The following CNTN5 variants were observed in gnomAD, a reference collection of about 807,000 sequenced individuals.
CNTN5 encodes the protein contactin-5.
CNTN5 carries 77 observed loss-of-function variants against 129.1 expected under a neutral mutation model. The ratio of observed to expected loss-of-function variants is 0.60; its 90% CI spans 0.50 to 0.72. CNTN5 has a LOEUF of 0.72. Among genes scored for constraint, CNTN5 ranks in the 30% least tolerant of loss-of-function variants. The pLI is 0.00. For missense variants in CNTN5, 1,478 were observed against 1,328.8 expected, an observed-to-expected ratio of 1.11 and a Z score of -1.75; for synonymous variants, 509 against 465.6, an observed-to-expected ratio of 1.09 and a Z score of -1.20.
intron 3 of CNTN5, among the ~76,000 whole-genome samples, chr11:99,705,156 A>G (rs1954700829): frequency 6.6e-6 from 1 of 151,308 alleles, no homozygotes; most frequent in Non-Finnish European, 1.5e-5. Flanking sequence ...GAACACATAC[A>G]TATTCTTATT....
chr11:99,246,800 C>T (rs1029299260), intron 1 of CNTN5, among the ~76,000 whole-genome samples: 2 of 152,044 alleles, frequency 1.3e-5, no homozygotes, highest in African/African-American at 2.4e-5. Flanking sequence ...GGAACAAAAA[C>T]AATATTGACA....
intron 13 of CNTN5, among the ~76,000 whole-genome samples, chr11:100,092,444 C>T (rs1362478199): frequency 6.6e-6 from 1 of 152,088 alleles, no homozygotes; most frequent in African/African-American, 2.4e-5. Context: ...GAATGTGTCT[C>T]CAGGGCTGTA....
intron 13 of CNTN5, among the ~76,000 whole-genome samples, chr11:100,092,517 C>A (rs577524179): frequency 2.9e-4 from 44 of 152,268 alleles, no homozygotes; most frequent in African/African-American, 1.0e-3. Flanking sequence ...ACGCTTTTCA[C>A]AAACCACTTA....
intron 2 of CNTN5, among the ~76,000 whole-genome samples, chr11:99,460,629 G>T (rs1384383134): frequency 6.6e-6 from 1 of 151,930 alleles, no homozygotes; most frequent in Non-Finnish European, 1.5e-5. Context: ...TGGCCAACAC[G>T]TATTAACTGA....
At chr11:99,899,408 AGTTT>A (rs1247191807) in intron 6 of CNTN5, among the ~76,000 whole-genome samples, 7 of 152,004 alleles carry the variant, frequency 4.6e-5, no homozygotes, top group African/African-American at 1.4e-4. Context: ...CATCTATGCT[AGTTT>A]GTTGAGGGTA....
At chr11:99,744,928 G>T (rs1249300503) in intron 3 of CNTN5, among the ~76,000 whole-genome samples, 2 of 152,066 alleles carry the variant, frequency 1.3e-5, no homozygotes, top group Admixed American at 6.6e-5. Flanking sequence ...TAAGGCAGGC[G>T]TTATTTTTAG....
intron 1 of CNTN5, among the ~76,000 whole-genome samples, chr11:99,271,274 C>A (rs927940111): frequency 1.6e-4 from 25 of 151,878 alleles, no homozygotes; most frequent in African/African-American, 5.8e-4. Flanking sequence ...TTAACTACTT[C>A]TTTTGATGAA....
intron 3 of CNTN5, among the ~76,000 whole-genome samples, chr11:99,656,768 C>A (rs1409827170): frequency 1.3e-5 from 2 of 152,078 alleles, no homozygotes; most frequent in Non-Finnish European, 2.9e-5. Context: ...CAGCAAATGA[C>A]CACAGTGGAC....
intron 21 of CNTN5, among the ~76,000 whole-genome samples, chr11:100,315,840 A>G (rs971373605): frequency 1.3e-5 from 2 of 152,198 alleles, no homozygotes; most frequent in Non-Finnish European, 2.9e-5. Context: ...TTATGGTAGC[A>G]GGGACTAAAT....
intron 1 of CNTN5, among the ~76,000 whole-genome samples, chr11:99,275,039 T>C (rs151303298): frequency 1.1e-4 from 16 of 151,580 alleles, no homozygotes; most frequent in African/African-American, 3.6e-4. Context: ...AAGACATAAC[T>C]TGGACATGAA....
At chr11:99,781,724 G>A (rs1389882830) in intron 3 of CNTN5, among the ~76,000 whole-genome samples, 4 of 152,080 alleles carry the variant, frequency 2.6e-5, no homozygotes, top group African/African-American at 7.2e-5. Flanking sequence ...CTGTAAGCAA[G>A]TGTTTGAAAA....
At chr11:99,815,846 C>T (rs1185861190) in intron 3 of CNTN5, among the ~76,000 whole-genome samples, 2 of 152,040 alleles carry the variant, frequency 1.3e-5, no homozygotes, top group South Asian at 2.1e-4. Context: ...CTTATTATTC[C>T]ATCTCTTTTT....
chr11:100,266,007 C>A (rs1950295506), intron 17 of CNTN5, among the ~76,000 whole-genome samples: 1 of 152,092 alleles, frequency 6.6e-6, no homozygotes, highest in Admixed American at 6.6e-5. Context: ...CTTAAATATT[C>A]TATCAGTGGA....
In CNTN5 at chr11:100,193,521, C is replaced by G. The variant is rs770165680; in HGVS notation, c.1742C>G (p.Thr581Arg). The G allele has an allele frequency of 6.2e-7, 1 of 1,605,582 alleles. No individual in the cohort carries two copies. The highest frequency in any genetic ancestry group is 1.3e-5 in the African/African-American group (1 of 74,608). ...AGGATAGAACTTACTCCTAAAAGAA[C>G]AGAATTGACAGTGGGAGAAAGCATT... ...PTRIELTPKR[T>R]ELTVGESIVL... Residue 581 changes from threonine to arginine, a missense_variant, in exon 15 of 25, where the codon ACA becomes AGA. By Grantham distance (71) the Thr-to-Arg change is moderately conservative. Coordinates refer to ENST00000524871, the MANE Select transcript of CNTN5 (RefSeq NM_014361.4).
chr11:99,653,921 C>T (rs1952251195), intron 3 of CNTN5, among the ~76,000 whole-genome samples: 2 of 151,734 alleles, frequency 1.3e-5, no homozygotes, highest in African/African-American at 4.8e-5. Flanking sequence ...TGATATATCC[C>T]TCTTTGTCTA....
intron 2 of CNTN5, among the ~76,000 whole-genome samples, chr11:99,492,435 T>C (rs773622460): frequency 6.6e-6 from 1 of 152,216 alleles, no homozygotes; most frequent in Admixed American, 6.5e-5. Context: ...CTCAGCATTC[T>C]TTTTTCTTTG....
intron 2 of CNTN5, among the ~76,000 whole-genome samples, chr11:99,477,288 A>G (rs1332809804): frequency 1.3e-5 from 2 of 151,792 alleles, no homozygotes; most frequent in Non-Finnish European, 2.9e-5. Flanking sequence ...AGTTCTCTGC[A>G]TTTTCTGTAT....
intron 15 of CNTN5, among the ~76,000 whole-genome samples, chr11:100,221,719 C>T (rs1193753871): frequency 6.6e-6 from 1 of 151,890 alleles, no homozygotes; most frequent in Non-Finnish European, 1.5e-5. Context: ...TGCAAGGTTT[C>T]GGCGTGTTGT....
At chr11:99,195,137 A>T (rs765813931) in intron 1 of CNTN5, among the ~76,000 whole-genome samples, 19 of 152,142 alleles carry the variant, frequency 1.2e-4, no homozygotes, top group Non-Finnish European at 2.8e-4. Context: ...AGTAATCTGA[A>T]GGATTATATT....
Sources: gnomAD v4.1 joint callset for allele counts (sites outside exome capture counted in the v4.1 genomes callset) on GRCh38, gnomAD v4.1.1 for gene constraint, MANE v1.5 for transcripts, NCBI Gene and HGNC (gene_info 2026-07-23, HGNC 2026-07-21) for gene names.